The following GMPS variants were observed in gnomAD, a reference collection of about 807,000 sequenced individuals.
The protein encoded by GMPS is GMP synthase [glutamine-hydrolyzing].
In GMPS, 15 loss-of-function variants were observed where a neutral mutation model predicts 77.9. The ratio of observed to expected loss-of-function variants is 0.19; its 90% CI spans 0.13 to 0.30. The LOEUF (loss-of-function observed/expected upper bound fraction) is 0.30. Among genes scored for constraint, GMPS ranks in the 10% least tolerant of loss-of-function variants. GMPS has a pLI of 1.00. For synonymous variants in GMPS, 224 were observed against 275.9 expected (o/e 0.81, Z 1.86); for missense variants, 590 against 838.8 (o/e 0.70, Z 3.66).
At chr3:155,929,081 T>C (rs1331485148) in intron 12 of GMPS, among the ~76,000 whole-genome samples, 1 of 151,716 alleles carries the variant, frequency 6.6e-6, no homozygotes, top group Non-Finnish European at 1.5e-5. Flanking sequence ...CAAATGGTAT[T>C]TCTAGCTCTA....
rs1421362213 is a variant in GMPS at position 155,893,581 on chromosome 3, C to G, written c.91C>G (p.Leu31Val). Residue 31 changes from leucine (L) to valine (V), a missense_variant, in exon 2 of 16, where the codon CTG becomes GTG. Coordinates refer to ENST00000496455, the MANE Select transcript of GMPS (RefSeq NM_003875.3). The stretch of plus-strand genomic sequence containing the variant: ...CCACTATGAAGGAGCTGTTGTCATT[C>G]TGGATGCTGGTGCTCAGTACGGGAA... ...HHHYEGAVVILDAGAQYGKVI... is the reference protein window; with the variant it reads ...HHHYEGAVVIVDAGAQYGKVI... The G allele has an allele frequency of 6.2e-7, 1 of 1,612,398 alleles. No individual in the cohort carries two copies. Among genetic ancestry groups the G allele is most frequent in the Non-Finnish European group, 8.5e-7 (1 of 1,178,532 alleles).
chr3:155,932,203 G>T (rs1755640906), intron 13 of GMPS, among the ~76,000 whole-genome samples: 1 of 151,140 alleles, frequency 6.6e-6, no homozygotes, highest in South Asian at 2.1e-4. Context: ...ATTAGCTGTT[G>T]GTTTTATGGT....
intron 10 of GMPS, among the ~76,000 whole-genome samples, chr3:155,920,574 TAAAAAAAAA>T (rs145651357): frequency 9.1e-6 from 1 of 109,740 alleles, no homozygotes; most frequent in Non-Finnish European, 1.8e-5. Flanking sequence ...GACTCCATCT[TAAAAAAAAA>T]AAAAAAGAAA....
At position 155,941,047 on chromosome 3, in the gene GMPS, C is replaced by G. The variant is rs550603207; in HGVS notation, c.*3355C>G. The G allele has an allele frequency of 2.1e-5, 4 of 193,294 alleles. No homozygotes were observed. In the East Asian group the frequency reaches 3.2e-4, roughly 16 times the overall value. 12.0% of individuals were successfully genotyped at this position (193,294 alleles called of 1,614,324 possible). ...AATTGTTGGGAGCTAGAGCTAGAAT[C>G]CAAGCTTTCTGATTCTCTGCATGGA... On this transcript the variant is annotated 3_prime_UTR_variant, in exon 16 of 16. Coordinates refer to ENST00000496455, the MANE Select transcript of GMPS (RefSeq NM_003875.3).
chr3:155,923,533 G>A (rs183702608), intron 11 of GMPS, among the ~76,000 whole-genome samples: 21 of 152,116 alleles, frequency 1.4e-4, no homozygotes, highest in Admixed American at 2.0e-4. Flanking sequence ...GAGCAGCTGC[G>A]GAGAACAGAT....
chr3:155,898,492 G>A (rs2108082057), intron 3 of GMPS, among the ~76,000 whole-genome samples: 1 of 152,232 alleles, frequency 6.6e-6, no homozygotes. Flanking sequence ...TTTACTCATT[G>A]TTAGAATCTA....
chr3:155,913,898 G>A (rs1755101711), intron 7 of GMPS, among the ~76,000 whole-genome samples: 1 of 151,930 alleles, frequency 6.6e-6, no homozygotes, highest in Non-Finnish European at 1.5e-5. Flanking sequence ...TTTAATGAGT[G>A]CCTGTATCTG....
At chr3:155,887,564 A>G (rs545346737) in intron 1 of GMPS, among the ~76,000 whole-genome samples, 1 of 152,354 alleles carries the variant, frequency 6.6e-6, no homozygotes, top group African/African-American at 2.4e-5. Context: ...GAGACAATGT[A>G]TGACAATGTG....
intron 9 of GMPS, among the ~76,000 whole-genome samples, chr3:155,918,501 A>G (rs1400979818): frequency 1.3e-5 from 2 of 152,150 alleles, no homozygotes; most frequent in African/African-American, 4.8e-5. Flanking sequence ...ATGAAGTGGT[A>G]TATCTCATTT....
intron 1 of GMPS, among the ~76,000 whole-genome samples, chr3:155,891,935 G>A (rs536372205): frequency 2.0e-5 from 3 of 152,090 alleles, no homozygotes; most frequent in Non-Finnish European, 4.4e-5. Context: ...AGACGGAATA[G>A]TGGTGTTGTA....
chr3:155,905,366 TA>T (rs1162879060), intron 4 of GMPS, among the ~76,000 whole-genome samples: 1 of 152,206 alleles, frequency 6.6e-6, no homozygotes, highest in East Asian at 1.9e-4. Context: ...AGTATATTTT[TA>T]TGGTTGATTT....
chr3:155,873,802 T>G (rs1023908367), intron 1 of GMPS, among the ~76,000 whole-genome samples: 28 of 151,358 alleles, frequency 1.8e-4, no homozygotes, highest in African/African-American at 5.8e-4. Context: ...GCCTAGCTAA[T>G]TTTTTTGTAT....
At chr3:155,935,487 C>T (rs1423561481) in intron 14 of GMPS, among the ~76,000 whole-genome samples, 1 of 152,224 alleles carries the variant, frequency 6.6e-6, no homozygotes, top group Non-Finnish European at 1.5e-5. Context: ...AGGCGTGAGC[C>T]ACTGCACCTG....
chr3:155,872,626 T>G (rs569445928), intron 1 of GMPS, among the ~76,000 whole-genome samples: 1 of 152,378 alleles, frequency 6.6e-6, no homozygotes, highest in East Asian at 1.9e-4. Flanking sequence ...GATTTTTCTT[T>G]TTCCTAACTG....
rs991508834 is a variant in GMPS, at chr3:155,922,194, C to T, written c.1326C>T (p.Gly442=). The T allele has an allele frequency of 2.1e-6, 3 of 1,452,750 alleles. No individual in the cohort carries two copies. The highest frequency in any genetic ancestry group is 3.5e-4 in the Middle Eastern group (2 of 5,766). 90.0% of individuals were successfully genotyped at this position (1,452,750 alleles called of 1,614,324 possible). ...LVSRHPFPGP[G]LAIRVICAEE... ...TATTACTCCTACCTTTAGGTCCTGG[C>T]CTGGCAATCAGAGTAATATGTGCTG... Residue 442 remains glycine, a synonymous_variant, in exon 11 of 16, where the codon GGC becomes GGT. Coordinates refer to ENST00000496455, the MANE Select transcript of GMPS (RefSeq NM_003875.3).
In GMPS at chr3:155,906,182, G is replaced by A. The variant is rs375164448; in HGVS notation, c.445G>A (p.Val149Ile). 1 of 1,602,964 alleles carries A rather than the reference G, an allele frequency of 6.2e-7. No individual in the cohort carries two copies. The highest frequency in any genetic ancestry group is 8.5e-7 in the Non-Finnish European group (1 of 1,173,910). Reference protein sequence around the residue: ...LFRGLQKEEVVLLTHGDSVDK... With the variant: ...LFRGLQKEEVILLTHGDSVDK... The stretch of plus-strand genomic sequence containing the variant: ...TAGGGGCCTTCAGAAGGAAGAAGTT[G>A]TTTTGCTTACACATGGAGATAGTGT... The change falls in exon 5 of 16, where the codon GTT (valine) becomes ATT (isoleucine). Residue 149 changes from valine (V) to isoleucine (I), a missense_variant. By Grantham distance (29) the Val-to-Ile change is conservative (BLOSUM62 3). Coordinates refer to ENST00000496455, the MANE Select transcript of GMPS (RefSeq NM_003875.3).
At chr3:155,932,642 T>G (rs1755655250) in intron 13 of GMPS, among the ~76,000 whole-genome samples, 1 of 152,222 alleles carries the variant, frequency 6.6e-6, no homozygotes, top group Non-Finnish European at 1.5e-5. Flanking sequence ...CTGTTCAGTT[T>G]TCTTCATGGG....
chr3:155,914,647 A>C, intron 8 of GMPS, 77 bp downstream of exon 8: 1 of 899,012 alleles, frequency 1.1e-6, no homozygotes. Context: ...TTGTCACTAT[A>C]TCAAATAACC....
chr3:155,920,894 C>T (rs1206837652), intron 10 of GMPS, among the ~76,000 whole-genome samples: 1 of 152,130 alleles, frequency 6.6e-6, no homozygotes, highest in Non-Finnish European at 1.5e-5. Flanking sequence ...GCAGCAGGAT[C>T]CAGTTTTCCA....
Sources: allele counts gnomAD v4.1 joint callset (sites outside exome capture counted in the v4.1 genomes callset), GRCh38; gene constraint gnomAD v4.1.1; transcripts MANE v1.5; gene names NCBI Gene and HGNC (gene_info 2026-07-23, HGNC 2026-07-21).